MCTP2: variants seen among roughly 807,000 people sequenced by gnomAD.
MCTP2 encodes multiple C2 and transmembrane domain-containing protein 2.
In MCTP2, 132 loss-of-function variants were observed where a neutral mutation model predicts 111.6. That is an observed-to-expected ratio of 1.18 (90% CI 1.03 to 1.37). MCTP2 has a LOEUF of 1.37. Among genes scored for constraint, MCTP2 ranks in the 40% most tolerant of loss-of-function variants. The pLI, the probability that MCTP2 is intolerant of heterozygous loss-of-function variation, is 0.00. For missense variants in MCTP2, 1,183 were observed against 1,067.9 expected, an observed-to-expected ratio of 1.11 and a Z score of -1.50; for synonymous variants, 395 against 387.7, an observed-to-expected ratio of 1.02 and a Z score of -0.22.
chr15:94,258,205 C>T (rs2072958663), intron 1 of MCTP2, among the ~76,000 whole-genome samples: 2 of 151,930 alleles, frequency 1.3e-5, no homozygotes, highest in African/African-American at 4.8e-5. Context: ...GCTCAAATCC[C>T]AGGAGGGTTT....
chr15:94,318,400 C>G (rs959463153), intron 4 of MCTP2, among the ~76,000 whole-genome samples: 9 of 151,900 alleles, frequency 5.9e-5, no homozygotes, highest in Admixed American at 5.9e-4. Context: ...TCTCCTGCCT[C>G]AGCCTCCCAA....
chr15:94,366,164 ATTTAAC>A (rs1296614525), intron 10 of MCTP2, among the ~76,000 whole-genome samples: 1 of 152,196 alleles, frequency 6.6e-6, no homozygotes, highest in Non-Finnish European at 1.5e-5. Flanking sequence ...TAGTAATGCA[ATTTAAC>A]TTTAAAAGCT....
chr15:94,389,687 A>C (rs922305792), intron 14 of MCTP2, among the ~76,000 whole-genome samples: 4 of 152,118 alleles, frequency 2.6e-5, no homozygotes, highest in Non-Finnish European at 2.9e-5. Context: ...TAGGCAGTGG[A>C]GCCATAATAA....
intron 14 of MCTP2, among the ~76,000 whole-genome samples, chr15:94,388,678 C>G (rs1043039424): frequency 3.9e-5 from 6 of 152,058 alleles, no homozygotes; most frequent in African/African-American, 1.4e-4. Context: ...GAATAGTGAA[C>G]TAGCAAGTTC....
chr15:94,242,854 G>C (rs1300017192), intron 1 of MCTP2, among the ~76,000 whole-genome samples: 4 of 150,266 alleles, frequency 2.7e-5, no homozygotes, highest in Admixed American at 6.6e-5. Flanking sequence ...ATGAAAGCCT[G>C]GCCACTTCTG....
intron 8 of MCTP2, among the ~76,000 whole-genome samples, chr15:94,354,398 T>C (rs2078494851): frequency 6.6e-6 from 1 of 152,186 alleles, no homozygotes; most frequent in Non-Finnish European, 1.5e-5. Context: ...GGGGGTGGTT[T>C]CCCCCATGCT....
chr15:94,268,463 A>T (rs182985590), intron 1 of MCTP2, among the ~76,000 whole-genome samples: 5 of 151,932 alleles, frequency 3.3e-5, no homozygotes, highest in Non-Finnish European at 7.4e-5. Context: ...AAGTGCTGGG[A>T]CTACAGGCAT....
chr15:94,456,700 A>T (rs924597602), intron 19 of MCTP2, among the ~76,000 whole-genome samples: 1 of 152,234 alleles, frequency 6.6e-6, no homozygotes, highest in Non-Finnish European at 1.5e-5. Context: ...GAAGCAATGA[A>T]CCTGGTTTTC....
At chr15:94,232,555 G>A (rs374853915) in intron 1 of MCTP2, among the ~76,000 whole-genome samples, 4 of 152,168 alleles carry the variant, frequency 2.6e-5, no homozygotes, top group Non-Finnish European at 4.4e-5. Context: ...TGAGTCAGTA[G>A]CATTTCAATT....
chr15:94,426,120 CAGAGAGAGAGAGAGAGAGATTG>C (rs1280232801), intron 17 of MCTP2, among the ~76,000 whole-genome samples: 4 of 129,090 alleles, frequency 3.1e-5, no homozygotes, highest in Admixed American at 8.1e-5. Context: ...TCTGAGATGC[CAGAGAGAGAGAGAGAGAGATTG>C]AGAGAGAGAG....
In MCTP2 at chr15:94,458,215, GAAATAGCTTCTTTTGGAGA is replaced by G; in HGVS notation, c.2332_2350del (p.Ile778GlyfsTer19). 4 of 1,610,320 alleles carry G rather than the reference GAAATAGCTTCTTTTGGAGA, an allele frequency of 2.5e-6. No individual in the cohort carries two copies. Among genetic ancestry groups the G allele is most frequent in the Non-Finnish European group, 3.4e-6 (4 of 1,176,554 alleles). ...TTCAACTGTTCAAAACGTCTTGGAG[GAAATAGCTTCTTTTGGAGA>G]AAGGATTAAGAAGTAAGTTCTAAAT... On this transcript the variant is annotated frameshift_variant, in exon 20 of 23. Coordinates refer to ENST00000357742, the MANE Select transcript of MCTP2 (RefSeq NM_001385001.1). LOFTEE classifies it high-confidence loss of function.
At chr15:94,344,531 A>G (rs1189761070) in intron 7 of MCTP2, among the ~76,000 whole-genome samples, 1 of 152,198 alleles carries the variant, frequency 6.6e-6, no homozygotes, top group African/African-American at 2.4e-5. Context: ...CCTTAGCATG[A>G]CAGAGGAGAG....
intron 1 of MCTP2, among the ~76,000 whole-genome samples, chr15:94,264,425 A>G (rs1040839107): frequency 1.3e-5 from 2 of 151,990 alleles, no homozygotes; most frequent in Non-Finnish European, 2.9e-5. Flanking sequence ...TGGCTAACAC[A>G]GCGAAACCCT....
chr15:94,283,566 C>T (rs1315222213), intron 1 of MCTP2, among the ~76,000 whole-genome samples: 1 of 152,172 alleles, frequency 6.6e-6, no homozygotes, highest in African/African-American at 2.4e-5. Flanking sequence ...ATTTCATTCA[C>T]CCCTTTCCTA....
chr15:94,438,999 C>T (rs1002157014), intron 17 of MCTP2, among the ~76,000 whole-genome samples: 10 of 152,044 alleles, frequency 6.6e-5, no homozygotes, highest in Non-Finnish European at 1.3e-4. Context: ...GATTATGTGA[C>T]TATATTCTTA....
intron 17 of MCTP2, among the ~76,000 whole-genome samples, chr15:94,419,756 AT>A (rs375546096): frequency 1.4e-3 from 202 of 146,920 alleles, no homozygotes; most frequent in Admixed American, 2.2e-3. Flanking sequence ...CATACTGCTT[AT>A]TTTTTTTTTT....
intron 19 of MCTP2, among the ~76,000 whole-genome samples, chr15:94,444,006 A>AAAAAAAAAAG (rs67260644): frequency 6.9e-6 from 1 of 144,224 alleles, no homozygotes; most frequent in Non-Finnish European, 1.5e-5. Flanking sequence ...AAAAAAAAAA[A>AAAAAAAAAAG]CAGAAGTATT....
At chr15:94,328,295 A>AT (rs1188292529) in intron 4 of MCTP2, among the ~76,000 whole-genome samples, 3 of 151,446 alleles carry the variant, frequency 2.0e-5, no homozygotes, top group East Asian at 1.9e-4. Flanking sequence ...CGCCCGGCTA[A>AT]TTTTTTGTAT....
chr15:94,362,638 A>T (rs1022089389), intron 10 of MCTP2, among the ~76,000 whole-genome samples: 29 of 152,268 alleles, frequency 1.9e-4, no homozygotes, highest in African/African-American at 6.3e-4. Context: ...TGGCTTCCTT[A>T]GCCTCTGAGA....
Sources: allele counts gnomAD v4.1 joint callset (sites outside exome capture counted in the v4.1 genomes callset), GRCh38; gene constraint gnomAD v4.1.1; transcripts MANE v1.5; gene names NCBI Gene and HGNC (gene_info 2026-07-23, HGNC 2026-07-21).